APPL2: variants seen among roughly 807,000 people sequenced by gnomAD.
APPL2 encodes the protein DCC-interacting protein 13-beta.
Under a neutral mutation model 92.7 loss-of-function variants are expected in APPL2, and 84 were observed. The ratio of observed to expected loss-of-function variants is 0.91; its 90% CI spans 0.76 to 1.09. The LOEUF is 1.09. Among genes scored for constraint, APPL2 ranks in the 50% least tolerant of loss-of-function variants. The probability of loss-of-function intolerance (pLI) is 0.00; values close to 1 mark genes in which losing one functional copy is unlikely to be tolerated. For synonymous variants in APPL2, 291 were observed against 291.0 expected (o/e 1.00, Z 0.00); for missense variants, 736 against 824.5 (o/e 0.89, Z 1.31).
chr12:105,192,621 T>C (rs951285095), intron 14 of APPL2, among the ~76,000 whole-genome samples: 1 of 152,236 alleles, frequency 6.6e-6, no homozygotes, highest in Non-Finnish European at 1.5e-5. Context: ...GGCTGCGTCT[T>C]GTCTTTCACT....
At chr12:105,189,950 T>C in intron 15 of APPL2, 41 bp downstream of exon 15, 2 of 1,611,928 alleles carry the variant, frequency 1.2e-6, no homozygotes, top group Non-Finnish European at 1.7e-6. Flanking sequence ...ACCTCAAATT[T>C]ACTTTCAGTT....
At chr12:105,198,645 C>T (rs1309509060) in intron 10 of APPL2, among the ~76,000 whole-genome samples, 2 of 152,174 alleles carry the variant, frequency 1.3e-5, no homozygotes, top group East Asian at 1.9e-4. Flanking sequence ...CAACTATGTC[C>T]AAAGGCACTG....
chr12:105,220,761 A>C (rs888956907), intron 2 of APPL2, among the ~76,000 whole-genome samples: 5 of 152,208 alleles, frequency 3.3e-5, no homozygotes, highest in Admixed American at 1.3e-4. Context: ...CTGTACCCAA[A>C]GCTCAAGGGG....
chr12:105,193,573 C>T (rs1002059469), intron 14 of APPL2, among the ~76,000 whole-genome samples: 1 of 152,138 alleles, frequency 6.6e-6, no homozygotes, highest in South Asian at 2.1e-4. Flanking sequence ...CGGGATTAAC[C>T]CTCGCTGACT....
rs1301834182 is a variant in APPL2 at position 105,236,163 on chromosome 12, C to T, written c.-151G>A. ...GCGCGCGTCCACGCCTGGCCAGTGG[C>T]CGCCGCCGCCTGCCCGCCGGCCCAG... On this transcript the variant is annotated 5_prime_UTR_variant, in exon 1 of 21. Coordinates refer to ENST00000258530, the MANE Select transcript of APPL2 (RefSeq NM_018171.5). 4 of 129,456 alleles carry T rather than the reference C, an allele frequency of 3.1e-5. No individual in the cohort carries two copies. Among genetic ancestry groups the T allele is most frequent in the African/African-American group, 1.8e-4 (2 of 11,042 alleles). 8.0% of individuals were successfully genotyped at this position (129,456 alleles called of 1,614,324 possible).
intron 2 of APPL2, among the ~76,000 whole-genome samples, chr12:105,220,582 T>C (rs1171919479): frequency 2.0e-5 from 3 of 152,218 alleles, no homozygotes; most frequent in Admixed American, 6.5e-5. Flanking sequence ...AACTCTAATA[T>C]GTTACTTCCC....
chr12:105,179,336 A>G (rs768499193), intron 17 of APPL2, among the ~76,000 whole-genome samples: 73 of 152,202 alleles, frequency 4.8e-4, no homozygotes, highest in Admixed American at 2.0e-3. Context: ...TTATGGCTGC[A>G]TAGTATTCCT....
chr12:105,195,881 C>A (rs574546485), intron 11 of APPL2, among the ~76,000 whole-genome samples: 1 of 151,946 alleles, frequency 6.6e-6, no homozygotes, highest in South Asian at 2.1e-4. Flanking sequence ...ATGGTGAAAC[C>A]CCCTCTCTAC....
rs756501093 is a variant in APPL2, at chr12:105,177,289, C to T, written c.1635-27G>A. 3.6e-5 allele frequency: 58 copies of T among 1,602,668 alleles called. No homozygotes were observed. The Admixed American group carries it at 8.8e-4, about 24-fold the overall frequency. On this transcript the variant is annotated intron_variant, in intron 17 of 20. Coordinates refer to ENST00000258530, the MANE Select transcript of APPL2 (RefSeq NM_018171.5). ...TGAAATTTTAAAAGATACATTATGT[C>T]ACAAATGTTGGATAAATTTAATATT...
chr12:105,194,782 TAAA>T (rs36104130), intron 14 of APPL2, among the ~76,000 whole-genome samples: 8 of 144,514 alleles, frequency 5.5e-5, no homozygotes, highest in African/African-American at 2.0e-4. Flanking sequence ...TAGAAATAGT[TAAA>T]AAAAAAAAAA....
rs1885192055 is a variant in APPL2, at chr12:105,173,599, A to G, written c.*715T>C. 6.5e-6 allele frequency: 1 copy of G among 152,672 alleles called. No homozygotes were observed. The highest frequency in any genetic ancestry group is 2.1e-4 in the South Asian group (1 of 4,838). 9.5% of individuals were successfully genotyped at this position (152,672 alleles called of 1,614,324 possible). A position where few individuals can be genotyped will look rare whatever the true frequency, so the allele number is the denominator to read the frequency against. On this transcript the variant is annotated 3_prime_UTR_variant, in exon 21 of 21. Coordinates refer to ENST00000258530, the MANE Select transcript of APPL2 (RefSeq NM_018171.5). ...GAACTGGTAGAGCTGCACCCTGTCC[A>G]CAGTGATCCACTACTAAAAATACTC... is the stretch of plus-strand genomic sequence containing the variant.
chr12:105,176,666 C>T (rs1287012842), intron 19 of APPL2: 4 of 539,508 alleles, frequency 7.4e-6, no homozygotes, highest in Non-Finnish European at 1.2e-5. Flanking sequence ...CTTCCTCATT[C>T]ACCCTATTCT....
intron 17 of APPL2, among the ~76,000 whole-genome samples, chr12:105,186,728 A>G (rs564293978): frequency 7.1e-4 from 102 of 144,594 alleles, no homozygotes; most frequent in Admixed American, 6.4e-3. Context: ...TATATATATC[A>G]TATATATCAT....
chr12:105,195,537 A>C, intron 12 of APPL2, 36 bp from the exon 13 acceptor site: 1 of 1,614,152 alleles, frequency 6.2e-7, no homozygotes, highest in East Asian at 2.2e-5. Context: ...CTGAATCCCA[A>C]AGTCACCCAC....
At chr12:105,211,457 T>G (rs1889211801) in intron 4 of APPL2, 140 bp from the exon 5 acceptor site, 3 of 617,706 alleles carry the variant, frequency 4.9e-6, no homozygotes, top group African/African-American at 1.9e-5. Flanking sequence ...TAAGTACCCT[T>G]CATAAAGCAG....
intron 4 of APPL2, among the ~76,000 whole-genome samples, chr12:105,213,025 A>G (rs529792110): frequency 6.6e-6 from 1 of 152,374 alleles, no homozygotes; most frequent in East Asian, 1.9e-4. Context: ...AATAACTTCT[A>G]TAAGAAAGGT....
chr12:105,178,356 G>A (rs575324472), intron 17 of APPL2, among the ~76,000 whole-genome samples: 3 of 152,246 alleles, frequency 2.0e-5, no homozygotes, highest in Non-Finnish European at 4.4e-5. Flanking sequence ...CTATAGAGAT[G>A]GCAATTTTAG....
chr12:105,215,289 T>C (rs1383321107), intron 4 of APPL2, among the ~76,000 whole-genome samples: 4 of 152,122 alleles, frequency 2.6e-5, no homozygotes, highest in African/African-American at 9.7e-5. Context: ...CAGGTAGATA[T>C]GTCAGAATTG....
At chr12:105,224,745 T>G (rs1469094745) in intron 2 of APPL2, among the ~76,000 whole-genome samples, 7 of 152,224 alleles carry the variant, frequency 4.6e-5, no homozygotes, top group African/African-American at 1.4e-4. Flanking sequence ...GACCCTGATC[T>G]GCCTCCTAGG....
Sources: gnomAD v4.1 joint callset for allele counts (sites outside exome capture counted in the v4.1 genomes callset) on GRCh38, gnomAD v4.1.1 for gene constraint, MANE v1.5 for transcripts, NCBI Gene and HGNC (gene_info 2026-07-23, HGNC 2026-07-21) for gene names.